Variants in ST8SIA1 observed in about 807,000 individuals in gnomAD.
ST8SIA1 encodes the protein alpha-N-acetylneuraminide alpha-2,8-sialyltransferase.
A neutral mutation model predicts 35.9 loss-of-function variants in ST8SIA1; 16 were observed. That is an observed-to-expected ratio of 0.45 (90% CI 0.30 to 0.68). The LOEUF (loss-of-function observed/expected upper bound fraction) is 0.68. Among genes scored for constraint, ST8SIA1 ranks in the 30% least tolerant of loss-of-function variants. The pLI is 0.09. For synonymous variants in ST8SIA1, 170 were observed against 169.6 expected, an observed-to-expected ratio of 1.00 and a Z score of -0.02; for missense variants, 383 against 453.6, an observed-to-expected ratio of 0.84 and a Z score of 1.41.
At chr12:22,316,019 CTAAAAAAA>C (rs1866515254) in intron 1 of ST8SIA1, among the ~76,000 whole-genome samples, 1 of 151,678 alleles carries the variant, frequency 6.6e-6, no homozygotes, top group Non-Finnish European at 1.5e-5. Flanking sequence ...AGATAGAATT[CTAAAAAAA>C]CTAAATACTC....
At chr12:22,314,922 C>T (rs535453736) in intron 1 of ST8SIA1, among the ~76,000 whole-genome samples, 2 of 152,158 alleles carry the variant, frequency 1.3e-5, no homozygotes, top group Non-Finnish European at 2.9e-5. Flanking sequence ...TTCTCCCACT[C>T]ACATAATGCT....
At chr12:22,263,929 T>C (rs1865818652) in intron 2 of ST8SIA1, among the ~76,000 whole-genome samples, 1 of 152,154 alleles carries the variant, frequency 6.6e-6, no homozygotes, top group African/African-American at 2.4e-5. Flanking sequence ...CTGCTATCAG[T>C]CATGATGTCA....
At chr12:22,290,103 A>G (rs1020355343) in intron 1 of ST8SIA1, among the ~76,000 whole-genome samples, 1 of 152,204 alleles carries the variant, frequency 6.6e-6, no homozygotes, top group Non-Finnish European at 1.5e-5. Context: ...CATGTGTAGA[A>G]ATATTTTTAA....
chr12:22,242,399 C>A (rs1480023353), intron 4 of ST8SIA1, among the ~76,000 whole-genome samples: 1 of 152,054 alleles, frequency 6.6e-6, no homozygotes, highest in Non-Finnish European at 1.5e-5. Context: ...ACTGATTTTG[C>A]CAAGAGGACA....
chr12:22,232,738 C>A (rs1038409579), intron 4 of ST8SIA1, among the ~76,000 whole-genome samples: 2 of 152,078 alleles, frequency 1.3e-5, no homozygotes, highest in African/African-American at 2.4e-5. Flanking sequence ...ACTCAGGAGG[C>A]TGAGGCAGGA....
intron 2 of ST8SIA1, 63 bp downstream of exon 2, chr12:22,287,086 C>G (rs1866109262): frequency 6.7e-7 from 1 of 1,485,650 alleles, no homozygotes; most frequent in Non-Finnish European, 9.1e-7. Context: ...ACTCAATTAT[C>G]CCTTTTCTAT....
chr12:22,259,157 A>G (rs553840785), intron 2 of ST8SIA1, among the ~76,000 whole-genome samples: 17 of 152,274 alleles, frequency 1.1e-4, no homozygotes, highest in African/African-American at 3.6e-4. Flanking sequence ...CGGTTTCTGT[A>G]GAACACGGTA....
intron 2 of ST8SIA1, among the ~76,000 whole-genome samples, chr12:22,283,572 G>T (rs755323178): frequency 1.3e-5 from 2 of 152,068 alleles, no homozygotes; most frequent in South Asian, 2.1e-4. Flanking sequence ...CACATACATC[G>T]CATGTTTTAA....
At chr12:22,260,706 A>G (rs912633377) in intron 2 of ST8SIA1, among the ~76,000 whole-genome samples, 1 of 152,082 alleles carries the variant, frequency 6.6e-6, no homozygotes, top group Non-Finnish European at 1.5e-5. Flanking sequence ...GGCATTTACC[A>G]TTATCAGTAA....
chr12:22,252,778 A>G (rs1284463429), intron 3 of ST8SIA1, among the ~76,000 whole-genome samples: 1 of 152,248 alleles, frequency 6.6e-6, no homozygotes, highest in Non-Finnish European at 1.5e-5. Context: ...ATAACATTCT[A>G]TGGTGCCTAA....
intron 1 of ST8SIA1, among the ~76,000 whole-genome samples, chr12:22,296,701 G>A (rs1866248551): frequency 6.6e-6 from 1 of 152,176 alleles, no homozygotes; most frequent in Non-Finnish European, 1.5e-5. Context: ...TGGAGAGTGT[G>A]TTTCAGTGGT....
intron 4 of ST8SIA1, among the ~76,000 whole-genome samples, chr12:22,242,041 A>G (rs1865547239): frequency 6.6e-6 from 1 of 152,160 alleles, no homozygotes; most frequent in Non-Finnish European, 1.5e-5. Flanking sequence ...TATTATCCCA[A>G]ATATTATAAT....
chr12:22,241,367 C>T (rs1222225604), intron 4 of ST8SIA1, among the ~76,000 whole-genome samples: 1 of 152,066 alleles, frequency 6.6e-6, no homozygotes, highest in East Asian at 1.9e-4. Flanking sequence ...TAGTAAGTGA[C>T]TTATCATGAG....
intron 2 of ST8SIA1, among the ~76,000 whole-genome samples, chr12:22,265,272 G>GT (rs2135802704): frequency 6.6e-6 from 1 of 152,220 alleles, no homozygotes; most frequent in East Asian, 1.9e-4. Context: ...CATTTCAAAG[G>GT]TAGGGCCAAT....
chr12:22,224,643 A>T (rs1865336054), intron 4 of ST8SIA1, among the ~76,000 whole-genome samples: 1 of 152,188 alleles, frequency 6.6e-6, no homozygotes, highest in Non-Finnish European at 1.5e-5. Flanking sequence ...TGTTTTTGAC[A>T]AGAACACATT....
At chr12:22,325,797 C>A (rs1024505731) in intron 1 of ST8SIA1, 5 of 696,984 alleles carry the variant, frequency 7.2e-6, no homozygotes, top group East Asian at 5.4e-5. Flanking sequence ...TAACAATATA[C>A]CTGCATCATC....
At chr12:22,210,925 C>T (rs1865169221) in intron 4 of ST8SIA1, among the ~76,000 whole-genome samples, 9 of 152,154 alleles carry the variant, frequency 5.9e-5, no homozygotes, top group Admixed American at 5.2e-4. Context: ...AGACAAACAC[C>T]AAGCTGTAAC....
chr12:22,278,642 T>A (rs943516390), intron 2 of ST8SIA1, among the ~76,000 whole-genome samples: 1 of 152,208 alleles, frequency 6.6e-6, no homozygotes, highest in African/African-American at 2.4e-5. Context: ...CAGTGCTTCA[T>A]TAACTGCAGA....
intron 2 of ST8SIA1, among the ~76,000 whole-genome samples, chr12:22,262,498 C>T (rs929040144): frequency 6.6e-5 from 10 of 152,158 alleles, no homozygotes; most frequent in Non-Finnish European, 1.5e-4. Flanking sequence ...AGACTTTACA[C>T]CTACTCATCT....
Sources: gnomAD v4.1 joint callset for allele counts (sites outside exome capture counted in the v4.1 genomes callset) on GRCh38, gnomAD v4.1.1 for gene constraint, MANE v1.5 for transcripts, NCBI Gene and HGNC (gene_info 2026-07-23, HGNC 2026-07-21) for gene names.